MAF: variants seen among roughly 807,000 people sequenced by gnomAD.
MAF encodes the protein MAF bZIP transcription factor.
Under a neutral mutation model 22.0 loss-of-function variants are expected in MAF, and 10 were observed. The observed-to-expected ratio is 0.45, with a 90% confidence interval of 0.28 to 0.77. The LOEUF (loss-of-function observed/expected upper bound fraction) is 0.77, where lower values mean the gene tolerates loss of function less well. Ranked by LOEUF, MAF falls within the 30% of genes least tolerant of loss-of-function variation. The pLI, the probability that MAF is intolerant of heterozygous loss-of-function variation, is 0.12. For synonymous variants in MAF, 337 were observed against 255.8 expected (o/e 1.32, Z -3.03); for missense variants, 544 against 548.4 (o/e 0.99, Z 0.08).
the MAF span, chr16:79,212,104 C>CTCTT: frequency 2.0e-6 from 3 of 1,535,852 alleles, no homozygotes; most frequent in Non-Finnish European, 2.6e-6. Flanking sequence ...ACCAGCAATT[C>CTCTT]TCTTTCTTTT....
In MAF at chr16:79,599,776, T is replaced by C; in HGVS notation, c.127A>G (p.Ile43Val). ...KKEPVETDRI[I>V]SQCGRLIAGG... ...GCGATGAGACGGCCGCACTGGCTGA[T>C]GATGCGGTCGGTCTCCACCGGTTCC... Residue 43 changes from isoleucine to valine, a missense_variant, in exon 1 of 2, where the codon ATC becomes GTC. Coordinates refer to ENST00000326043, the MANE Select transcript of MAF (RefSeq NM_005360.5). 2 of 1,613,198 alleles carry C rather than the reference T, an allele frequency of 1.2e-6. No homozygotes were observed. Among genetic ancestry groups the C allele is most frequent in the Non-Finnish European group, 1.7e-6 (2 of 1,179,946 alleles).
chr16:79,476,532 C>G, the MAF span, among the ~76,000 whole-genome samples: 1 of 152,132 alleles, frequency 6.6e-6, no homozygotes, highest in African/African-American at 2.4e-5. Flanking sequence ...GATTTGACTC[C>G]CAACTCTGCT....
At chr16:79,224,609 C>A in the MAF span, among the ~76,000 whole-genome samples, 3 of 152,272 alleles carry the variant, frequency 2.0e-5, no homozygotes, top group Admixed American at 6.5e-5. Context: ...ATTTAGAAAA[C>A]CCTATCGTCT....
the MAF span, among the ~76,000 whole-genome samples, chr16:79,556,668 C>G: frequency 1.3e-5 from 2 of 152,296 alleles, no homozygotes; most frequent in South Asian, 4.1e-4. Flanking sequence ...CTCTCTTATT[C>G]TTCATCTTAA....
chr16:79,495,096 A>G, the MAF span, among the ~76,000 whole-genome samples: 1 of 152,058 alleles, frequency 6.6e-6, no homozygotes, highest in Non-Finnish European at 1.5e-5. Context: ...TAAACCAGGT[A>G]GTTTACAGTT....
chr16:79,298,320 G>C, the MAF span, among the ~76,000 whole-genome samples: 1 of 152,236 alleles, frequency 6.6e-6, no homozygotes, highest in Non-Finnish European at 1.5e-5. Context: ...TGTTTGCTCT[G>C]CTCCTGTCTA....
At chr16:79,472,704 T>C in the MAF span, among the ~76,000 whole-genome samples, 2 of 152,150 alleles carry the variant, frequency 1.3e-5, no homozygotes, top group African/African-American at 4.8e-5. Flanking sequence ...AGGGCGATGG[T>C]TGTACAACTC....
the MAF span, among the ~76,000 whole-genome samples, chr16:79,308,864 G>A: frequency 1.2e-4 from 19 of 152,144 alleles, no homozygotes; most frequent in Admixed American, 3.3e-4. Flanking sequence ...CTTTCCTAAC[G>A]CCCAGAAATG....
At chr16:79,456,348 G>A in the MAF span, among the ~76,000 whole-genome samples, 4 of 152,060 alleles carry the variant, frequency 2.6e-5, no homozygotes, top group Admixed American at 6.6e-5. Context: ...TATCTCCAGG[G>A]ACAAATTGTC....
At chr16:79,369,077 G>T in the MAF span, among the ~76,000 whole-genome samples, 3 of 152,224 alleles carry the variant, frequency 2.0e-5, no homozygotes, top group Admixed American at 1.3e-4. Context: ...AAGAGCCCAA[G>T]AAATGTTTGT....
At chr16:79,550,151 T>G in the MAF span, among the ~76,000 whole-genome samples, 13 of 152,118 alleles carry the variant, frequency 8.5e-5, no homozygotes, top group Admixed American at 2.6e-4. Context: ...CAGAGCCCAG[T>G]ACTCTCCCTA....
chr16:79,420,148 C>A, the MAF span, among the ~76,000 whole-genome samples: 2 of 152,170 alleles, frequency 1.3e-5, no homozygotes, highest in Non-Finnish European at 2.9e-5. Flanking sequence ...CAGACTAATA[C>A]TTTGTGTTCA....
chr16:79,285,548 C>T, the MAF span, among the ~76,000 whole-genome samples: 8 of 152,162 alleles, frequency 5.3e-5, no homozygotes, highest in Admixed American at 5.2e-4. Context: ...CCTGACTCCT[C>T]TCTAGAACCG....
the MAF span, among the ~76,000 whole-genome samples, chr16:79,410,946 A>T: frequency 6.6e-6 from 1 of 152,128 alleles, no homozygotes; most frequent in Non-Finnish European, 1.5e-5. Context: ...GGGGGACCTG[A>T]CCTGAATTTA....
chr16:79,310,816 G>A, the MAF span, among the ~76,000 whole-genome samples: 1 of 152,168 alleles, frequency 6.6e-6, no homozygotes, highest in Non-Finnish European at 1.5e-5. Flanking sequence ...GTAGTCCCTG[G>A]TCGTGTTCCA....
chr16:79,518,563 C>T, the MAF span, among the ~76,000 whole-genome samples: 1 of 152,358 alleles, frequency 6.6e-6, no homozygotes, highest in Middle Eastern at 3.4e-3. Context: ...GACCAGCTAT[C>T]TGACTTTGGG....
At chr16:79,347,065 C>A in the MAF span, among the ~76,000 whole-genome samples, 1 of 152,200 alleles carries the variant, frequency 6.6e-6, no homozygotes, top group Non-Finnish European at 1.5e-5. Context: ...CTTAACCCAG[C>A]ACCTAGTAGG....
At chr16:79,527,973 C>T in the MAF span, among the ~76,000 whole-genome samples, 1 of 152,056 alleles carries the variant, frequency 6.6e-6, no homozygotes, top group Non-Finnish European at 1.5e-5. Flanking sequence ...AAAACCCCAT[C>T]TCTACTAAAA....
the MAF span, among the ~76,000 whole-genome samples, chr16:79,501,621 C>G: frequency 6.6e-6 from 1 of 152,172 alleles, no homozygotes; most frequent in African/African-American, 2.4e-5. Flanking sequence ...CCCCTAACTT[C>G]AGTGTTGATG....
Sources: allele counts gnomAD v4.1 joint callset (sites outside exome capture counted in the v4.1 genomes callset), GRCh38; gene constraint gnomAD v4.1.1; transcripts MANE v1.5; gene names NCBI Gene and HGNC (gene_info 2026-07-23, HGNC 2026-07-21).